AOPEP: variants seen among roughly 807,000 people sequenced by gnomAD.
AOPEP encodes the protein aminopeptidase O.
A neutral mutation model predicts 98.1 loss-of-function variants in AOPEP; 77 were observed. That is an observed-to-expected ratio of 0.78 (90% CI 0.65 to 0.95). The LOEUF (loss-of-function observed/expected upper bound fraction) is 0.95, where lower values mean the gene tolerates loss of function less well. Among genes scored for constraint, AOPEP ranks in the 40% least tolerant of loss-of-function variants. AOPEP has a pLI of 0.00. For synonymous variants in AOPEP, 346 were observed against 365.3 expected, an observed-to-expected ratio of 0.95 and a Z score of 0.60; for missense variants, 1,024 against 1,024.7, an observed-to-expected ratio of 1.00 and a Z score of 0.01.
the AOPEP span, among the ~76,000 whole-genome samples, chr9:95,144,905 A>AT: frequency 6.6e-6 from 1 of 152,186 alleles, no homozygotes; most frequent in East Asian, 1.9e-4. Flanking sequence ...AGGACCAAAC[A>AT]TAACGCTCGG....
chr9:94,899,368 T>C (rs995865064), intron 5 of AOPEP, among the ~76,000 whole-genome samples: 1 of 149,690 alleles, frequency 6.7e-6, no homozygotes, highest in Non-Finnish European at 1.5e-5. Context: ...TTTTTTTTTT[T>C]AGTAGAGACG....
chr9:95,111,485 C>T, the AOPEP span: 9 of 1,613,750 alleles, frequency 5.6e-6, no homozygotes, highest in Non-Finnish European at 7.6e-6. Context: ...TCTCTGCTGC[C>T]TCCCATCACG....
the AOPEP span, among the ~76,000 whole-genome samples, chr9:95,147,343 C>T: frequency 3.3e-5 from 5 of 152,090 alleles, no homozygotes; most frequent in Admixed American, 1.3e-4. Flanking sequence ...CATGGAAAAC[C>T]CTGTCTCTAC....
chr9:95,081,960 TAC>T (rs1277669151), intron 15 of AOPEP, among the ~76,000 whole-genome samples: 1 of 152,044 alleles, frequency 6.6e-6, no homozygotes, highest in African/African-American at 2.4e-5. Flanking sequence ...ATTTTAAAAA[TAC>T]AGGAAAAATG....
chr9:94,931,977 GA>G (rs1383881831), intron 7 of AOPEP: 2 of 1,160,088 alleles, frequency 1.7e-6, no homozygotes, highest in African/African-American at 3.2e-5. Flanking sequence ...TCCTCTAGCT[GA>G]TAAAGAACCA....
At chr9:95,032,376 A>G (rs2064388274) in intron 13 of AOPEP, among the ~76,000 whole-genome samples, 2 of 152,256 alleles carry the variant, frequency 1.3e-5, no homozygotes, top group Admixed American at 6.5e-5. Context: ...TCCCAGGGAA[A>G]TGAAGCAGAT....
At chr9:94,809,173 A>G (rs356127) in intron 5 of AOPEP, among the ~76,000 whole-genome samples, 33,294 of 152,156 alleles carry the variant, frequency 0.22, 5,133 homozygotes, top group African/African-American at 0.43. Flanking sequence ...GACTAGTTTT[A>G]TGGAATGTTA....
chr9:95,005,418 G>A (rs1238328280), intron 12 of AOPEP, 124 bp from the exon 13 acceptor site: 4 of 1,043,400 alleles, frequency 3.8e-6, no homozygotes, highest in Middle Eastern at 3.1e-4. Context: ...GGCGGGCGCG[G>A]GTGGCCTCCC....
At chr9:95,108,341 C>T in the AOPEP span, among the ~76,000 whole-genome samples, 2 of 152,184 alleles carry the variant, frequency 1.3e-5, no homozygotes, top group African/African-American at 4.8e-5. Flanking sequence ...CCCAGCCTGC[C>T]GGGTCTGATG....
chr9:95,150,033 G>A, the AOPEP span: 10 of 1,613,998 alleles, frequency 6.2e-6, no homozygotes, highest in Non-Finnish European at 8.5e-6. Flanking sequence ...CATCTGTCAG[G>A]GTAATAAGTG....
chr9:94,739,403 G>T (rs144998383), intron 1 of AOPEP, among the ~76,000 whole-genome samples: 3 of 152,158 alleles, frequency 2.0e-5, no homozygotes, highest in African/African-American at 7.2e-5. Flanking sequence ...CCAGCACTTT[G>T]GGAGGCCAAG....
chr9:94,818,720 C>T (rs144453531), intron 5 of AOPEP, among the ~76,000 whole-genome samples: 73 of 152,314 alleles, frequency 4.8e-4, no homozygotes, highest in African/African-American at 1.7e-3. Flanking sequence ...AAAGGCCGGG[C>T]GCGGTGGCTC....
chr9:94,899,031 G>A (rs116827789), intron 5 of AOPEP, among the ~76,000 whole-genome samples: 1,683 of 152,140 alleles, frequency 0.011, 34 homozygotes, highest in African/African-American at 0.038. Flanking sequence ...GAAACAAAAT[G>A]CAATGTCCAT....
downstream of AOPEP, among the ~76,000 whole-genome samples, chr9:95,089,146 A>G (rs1329885378): frequency 6.6e-6 from 1 of 152,108 alleles, no homozygotes; most frequent in Non-Finnish European, 1.5e-5. Context: ...GGCATCTCCT[A>G]AGAGACTTGA....
At chr9:94,928,051 G>A (rs781666210) in intron 6 of AOPEP, among the ~76,000 whole-genome samples, 3 of 152,190 alleles carry the variant, frequency 2.0e-5, no homozygotes, top group Admixed American at 6.5e-5. Context: ...GGAGGTGAAC[G>A]GTGGGGCCTT....
At chr9:94,747,451 A>C (rs1239491747) in intron 1 of AOPEP, among the ~76,000 whole-genome samples, 1 of 152,190 alleles carries the variant, frequency 6.6e-6, no homozygotes, top group East Asian at 1.9e-4. Flanking sequence ...TTAAACTCTG[A>C]ATATGCTGGT....
chr9:95,041,729 T>C (rs1341424414), intron 13 of AOPEP, among the ~76,000 whole-genome samples: 1 of 152,168 alleles, frequency 6.6e-6, no homozygotes. Flanking sequence ...CGGTGGCCCC[T>C]GGCGCTTTGT....
chr9:94,855,246 T>C (rs977029982), intron 5 of AOPEP, among the ~76,000 whole-genome samples: 5 of 151,958 alleles, frequency 3.3e-5, no homozygotes, highest in Non-Finnish European at 5.9e-5. Flanking sequence ...CCTGGCTAAT[T>C]TTTGTATTTT....
chr9:94,928,503 T>C lies in AOPEP; in HGVS notation c.1633T>C (p.Cys545Arg), dbSNP rs1336266374. ...RWRRLQDEMQ[C>R]SPEEMQVLRP... is the part of the protein sequence containing the mutation. ...GCGTCGCCTCCAGGACGAGATGCAA[T>C]GCTCCCCCGAGGAGATGCAGGTGTT... The change falls in exon 7 of 17, where the codon TGC (cysteine) becomes CGC (arginine). Residue 545 changes from cysteine to arginine, a missense_variant. Physicochemically the swap from Cys to Arg is radical, Grantham distance 180. Transcript: ENST00000375315. The C allele has an allele frequency of 5.2e-6, 8 of 1,550,852 alleles. No individual in the cohort carries two copies. In the Admixed American group the frequency reaches 1.6e-4, roughly 30 times the overall value.
Sources: gnomAD v4.1 joint callset for allele counts (sites outside exome capture counted in the v4.1 genomes callset) on GRCh38, gnomAD v4.1.1 for gene constraint, MANE v1.5 for transcripts, NCBI Gene and HGNC (gene_info 2026-07-23, HGNC 2026-07-21) for gene names.